Variants in PTPRN2 observed in about 807,000 individuals in gnomAD.
PTPRN2 encodes the protein protein tyrosine phosphatase receptor type N2, also known as receptor-type tyrosine-protein phosphatase N2.
A neutral mutation model predicts 118.8 loss-of-function variants in PTPRN2; 74 were observed. The observed-to-expected ratio is 0.62, with a 90% CI of 0.52 to 0.76. PTPRN2 has a LOEUF of 0.76. Ranked by LOEUF, PTPRN2 falls within the 30% of genes least tolerant of loss-of-function variation. PTPRN2 has a pLI of 0.00. For missense variants in PTPRN2, 1,481 were observed against 1,394.4 expected, an observed-to-expected ratio of 1.06 and a Z score of -0.99; for synonymous variants, 641 against 608.0, an observed-to-expected ratio of 1.05 and a Z score of -0.80.
At chr7:158,315,404 A>G (rs111951813) in intron 3 of PTPRN2, among the ~76,000 whole-genome samples, 41 of 133,602 alleles carry the variant, frequency 3.1e-4, no homozygotes, top group African/African-American at 5.0e-4. Context: ...AGGTGAACCC[A>G]GGACGCCCTC....
intron 11 of PTPRN2, among the ~76,000 whole-genome samples, chr7:158,055,080 C>T (rs1304294483): frequency 6.6e-6 from 1 of 152,196 alleles, no homozygotes; most frequent in Admixed American, 6.5e-5. Flanking sequence ...AATAGTTATA[C>T]TAGATCTAGA....
At chr7:158,440,304 C>A (rs1685761468) in intron 2 of PTPRN2, among the ~76,000 whole-genome samples, 1 of 152,234 alleles carries the variant, frequency 6.6e-6, no homozygotes, top group African/African-American at 2.4e-5. Context: ...ATTCGGGCTT[C>A]AAATCAGAGG....
At chr7:157,814,211 G>A (rs56131604) in intron 12 of PTPRN2, among the ~76,000 whole-genome samples, 7,430 of 152,272 alleles carry the variant, frequency 0.049, 301 homozygotes, top group East Asian at 0.21. Context: ...CCCTGCTGAC[G>A]CCATTTACAA....
At chr7:158,220,905 C>T (rs1481641557) in intron 3 of PTPRN2, among the ~76,000 whole-genome samples, 2 of 147,316 alleles carry the variant, frequency 1.4e-5, no homozygotes, top group East Asian at 3.9e-4. Context: ...GGCTGAATAG[C>T]CAAAGCAACC....
At chr7:157,645,139 G>A (rs1804977082) in intron 14 of PTPRN2, among the ~76,000 whole-genome samples, 1 of 152,260 alleles carries the variant, frequency 6.6e-6, no homozygotes, top group African/African-American at 2.4e-5. Context: ...ACCTGTGATT[G>A]ATGTTGCGTG....
intron 2 of PTPRN2, among the ~76,000 whole-genome samples, chr7:158,323,840 A>G (rs1201110462): frequency 1.3e-5 from 2 of 152,170 alleles, no homozygotes; most frequent in Non-Finnish European, 2.9e-5. Context: ...ACACGTGTGT[A>G]CACGGTGCAT....
intron 3 of PTPRN2, among the ~76,000 whole-genome samples, chr7:158,244,878 C>A (rs1345294855): frequency 1.3e-5 from 2 of 151,998 alleles, no homozygotes; most frequent in African/African-American, 4.8e-5. Flanking sequence ...AAATATTAAA[C>A]TTTTTCTCTG....
chr7:158,446,405 T>C (rs1261748924), intron 2 of PTPRN2, among the ~76,000 whole-genome samples: 1 of 151,948 alleles, frequency 6.6e-6, no homozygotes, highest in African/African-American at 2.4e-5. Flanking sequence ...CCACTCACGA[T>C]GGAGTCTGTC....
At position 158,003,599 on chromosome 7, in the gene PTPRN2, C is replaced by T. The variant is rs1805438118; in HGVS notation, c.1723+77699G>A. ...CCCAGGAACAAGCCCTGCCCACAGG[C>T]GTCCCAGACCCAGGCCTTGGGGACT... On this transcript the variant is annotated intron_variant, in intron 11 of 22. Transcript: ENST00000389418. The surrounding 1 kb of genome is among the most constrained non-coding windows in gnomAD (Gnocchi z 5.0). Among the ~76,000 whole-genome samples the T allele has an allele frequency of 6.6e-6, 1 of 152,110 alleles. No individual in the cohort carries two copies. Among genetic ancestry groups the T allele is most frequent in the Non-Finnish European group, 1.5e-5 (1 of 68,020 alleles).
intron 4 of PTPRN2, among the ~76,000 whole-genome samples, chr7:158,193,739 C>T (rs1350587890): frequency 6.6e-6 from 1 of 152,070 alleles, no homozygotes; most frequent in East Asian, 1.9e-4. Flanking sequence ...CAGAGCTTCA[C>T]AGCCCCCACG....
At chr7:157,842,654 T>C (rs1396177182) in intron 12 of PTPRN2, among the ~76,000 whole-genome samples, 1 of 151,996 alleles carries the variant, frequency 6.6e-6, no homozygotes, top group African/African-American at 2.4e-5. Flanking sequence ...ACCTTGTGAT[T>C]CGCCCACCTC....
At chr7:158,486,781 G>A (rs1422111110) in intron 2 of PTPRN2, among the ~76,000 whole-genome samples, 8 of 152,142 alleles carry the variant, frequency 5.3e-5, no homozygotes, top group Non-Finnish European at 8.8e-5. Context: ...TAAAATATAC[G>A]TCACATTAAA....
intron 3 of PTPRN2, among the ~76,000 whole-genome samples, chr7:158,256,729 C>A (rs2001763): frequency 6.6e-6 from 1 of 151,756 alleles, no homozygotes; most frequent in Non-Finnish European, 1.5e-5. Context: ...TTTGCCCGAG[C>A]TTAAAATTAA....
At chr7:158,385,279 C>G (rs1019266700) in intron 2 of PTPRN2, among the ~76,000 whole-genome samples, 5 of 143,880 alleles carry the variant, frequency 3.5e-5, no homozygotes, top group African/African-American at 1.3e-4. Flanking sequence ...GAGTCCCAAC[C>G]AATTAAGGCA....
chr7:157,953,794 G>T lies in PTPRN2; in HGVS notation c.1724-55057C>A, dbSNP rs958283693. 6.6e-6 allele frequency among the ~76,000 whole-genome samples: 1 copy of T among 152,202 alleles called. No individual in the cohort carries two copies. The highest frequency in any genetic ancestry group is 2.4e-5 in the African/African-American group (1 of 41,426). ...CATGGCCAAAGGATCCCTCCTGAGG[G>T]TGAGGGCGACCGAGAAAGGAATGAG... On this transcript the variant is annotated intron_variant, in intron 11 of 22. Coordinates refer to ENST00000389418, the MANE Select transcript of PTPRN2 (RefSeq NM_002847.5). This position sits in a 1 kb window ranked among gnomAD's most constrained non-coding sequence, Gnocchi z 4.6.
At chr7:157,549,633 A>C (rs1798496743) in intron 21 of PTPRN2, among the ~76,000 whole-genome samples, 1 of 152,132 alleles carries the variant, frequency 6.6e-6, no homozygotes, top group African/African-American at 2.4e-5. Flanking sequence ...GCTGCACTCA[A>C]ATCATGCTAC....
intron 2 of PTPRN2, among the ~76,000 whole-genome samples, chr7:158,327,386 C>T (rs1803717807): frequency 6.6e-6 from 1 of 150,746 alleles, no homozygotes; most frequent in East Asian, 2.0e-4. Context: ...TTATCACATG[C>T]ACACACATGC....
chr7:157,760,036 C>T (rs900248812), intron 12 of PTPRN2, among the ~76,000 whole-genome samples: 1 of 152,232 alleles, frequency 6.6e-6, no homozygotes, highest in African/African-American at 2.4e-5. Context: ...TTCCAGCCTT[C>T]CCTGTTCACA....
At chr7:157,721,484 G>A (rs930136862) in intron 12 of PTPRN2, among the ~76,000 whole-genome samples, 1 of 152,226 alleles carries the variant, frequency 6.6e-6, no homozygotes, top group African/African-American at 2.4e-5. Flanking sequence ...CACGTCGAGA[G>A]CTTCGGATGT....
Sources: allele counts gnomAD v4.1 joint callset (sites outside exome capture counted in the v4.1 genomes callset), GRCh38; gene constraint gnomAD v4.1.1; non-coding constraint Gnocchi (gnomAD v3.1); transcripts MANE v1.5; gene names NCBI Gene and HGNC (gene_info 2026-07-23, HGNC 2026-07-21).